The following SPTBN2 variants were observed in gnomAD, a reference collection of about 807,000 sequenced individuals.
SPTBN2 encodes the protein spectrin beta chain, non-erythrocytic 2.
In SPTBN2, 107 loss-of-function variants were observed where a neutral mutation model predicts 284.2. That is an observed-to-expected ratio of 0.38 (90% confidence interval 0.32 to 0.44). SPTBN2 has a LOEUF of 0.44. Among genes scored for constraint, SPTBN2 ranks in the 20% least tolerant of loss-of-function variants. The pLI is 1.00. For synonymous variants in SPTBN2, 1,289 were observed against 1,354.8 expected, an observed-to-expected ratio of 0.95 and a Z score of 1.07; for missense variants, 2,569 against 3,287.1, an observed-to-expected ratio of 0.78 and a Z score of 5.34.
chr11:66,731,761 C>A (rs1292409448), upstream of SPTBN2, among the ~76,000 whole-genome samples: 1 of 152,246 alleles, frequency 6.6e-6, no homozygotes, highest in African/African-American at 2.4e-5. Flanking sequence ...ATTGGCTTCA[C>A]TTCCTCGCCC....
rs760697406 is a variant in SPTBN2 at position 66,687,650 on chromosome 11, G to T, written c.6502-3C>A. On this transcript the variant is annotated splice_region_variant and splice_polypyrimidine_tract_variant and intron_variant, in intron 34 of 37. Transcript: ENST00000533211. This position sits in a 1 kb window ranked among gnomAD's most constrained non-coding sequence, Gnocchi z 5.2. Reference sequence around the variant, plus strand: ...GCTTCGTCCCCTGAGCCAGGTCCCTGGGGGGGAATCAGTGTCAGTGTCAAA... The same window carrying T: ...GCTTCGTCCCCTGAGCCAGGTCCCTTGGGGGGAATCAGTGTCAGTGTCAAA... 3 of 1,588,264 alleles carry T rather than the reference G, an allele frequency of 1.9e-6. No homozygotes were observed. The highest frequency in any genetic ancestry group is 2.3e-5 in the South Asian group (2 of 88,560).
intron 36 of SPTBN2, 81 bp from the exon 37 acceptor site, chr11:66,686,521 C>T (rs1484007895): frequency 6.7e-7 from 1 of 1,501,718 alleles, no homozygotes; most frequent in Non-Finnish European, 9.3e-7. Context: ...TAATCATGAC[C>T]CAACACCAGG....
chr11:66,710,794 G>T lies in SPTBN2; in HGVS notation c.886-25C>A. Reference sequence around the variant, plus strand: ...CCTGGGAGGCAGAAGACAGGGACGTGACAGTCCCAGCCACAGGGTCCCTGG... The same window carrying T: ...CCTGGGAGGCAGAAGACAGGGACGTTACAGTCCCAGCCACAGGGTCCCTGG... On this transcript the variant is annotated intron_variant, in intron 9 of 37. Coordinates refer to ENST00000533211, the MANE Select transcript of SPTBN2 (RefSeq NM_006946.4). The surrounding 1 kb of genome is among the most constrained non-coding windows in gnomAD (Gnocchi z 4.9). 6.2e-7 allele frequency: 1 copy of T among 1,613,154 alleles called. No homozygotes were observed. Among genetic ancestry groups the T allele is most frequent in the South Asian group, 1.1e-5 (1 of 91,038 alleles).
Position 66,698,804 on chromosome 11 carries a change from A to G in SPTBN2, c.3868-19T>C. 6.2e-7 allele frequency: 1 copy of G among 1,612,650 alleles called. No individual in the cohort carries two copies. The highest frequency in any genetic ancestry group is 8.5e-7 in the Non-Finnish European group (1 of 1,179,752). On this transcript the variant is annotated intron_variant, in intron 19 of 37. Transcript: ENST00000533211. ...GCTTCAGCTGGACCAAACATAAAAC[A>G]GGGACATTTCCAAGGGAGGGGAGAG...
intron 18 of SPTBN2, 40 bp from the exon 19 acceptor site, chr11:66,699,122 T>C: frequency 6.2e-7 from 1 of 1,612,710 alleles, no homozygotes; most frequent in Non-Finnish European, 8.5e-7. Flanking sequence ...GAATTTGCTG[T>C]GAAAGGATTG....
chr11:66,707,909 T>G lies in SPTBN2; in HGVS notation c.1351-91A>C. ...CCTGCAGGGCACTTGGCCTGCAAGATCCCAGCTCCATGCGGTGGCTCTAAG... is the reference window on the plus strand; with the variant it reads ...CCTGCAGGGCACTTGGCCTGCAAGAGCCCAGCTCCATGCGGTGGCTCTAAG... On this transcript the variant is annotated intron_variant, in intron 12 of 37. Transcript: ENST00000533211. This position sits in a 1 kb window ranked among gnomAD's most constrained non-coding sequence, Gnocchi z 4.9. The G allele has an allele frequency of 6.6e-7, 1 of 1,519,226 alleles. No homozygotes were observed. 94.1% of individuals were successfully genotyped at this position (1,519,226 alleles called of 1,614,324 possible).
rs548188891 is a variant in SPTBN2 at position 66,704,817 on chromosome 11, G to T, written c.2459C>A (p.Thr820Lys). 2.5e-6 allele frequency: 4 copies of T among 1,606,390 alleles called. No individual in the cohort carries two copies. The highest frequency in any genetic ancestry group is 3.4e-6 in the Non-Finnish European group (4 of 1,179,180). ...AAALPPTLSR[T>K]PEVQSRVPTL... is the part of the protein sequence containing the mutation. ...GGGCACCCGGCTCTGCACCTCGGGC[G>T]TGCGGCTCAGTGTGGGGGGCAGGGC... The change falls in exon 15 of 38, where the codon ACG becomes AAG. Residue 820 changes from threonine (T) to lysine (K), a missense_variant. Around this residue, in one of 6 missense-constraint regions of SPTBN2, gnomAD observed 1,012 missense variants for 1,248.9 expected, o/e 0.81. Transcript: ENST00000533211.
rs1942737336 is a variant in SPTBN2 at position 66,728,884 on chromosome 11, A to C, written c.-257T>G. 6.6e-6 allele frequency: 1 copy of C among 152,044 alleles called. No homozygotes were observed. Among genetic ancestry groups the C allele is most frequent in the African/African-American group, 2.4e-5 (1 of 41,348 alleles). The allele number at this position is 152,044 out of a possible 1,614,324, so 9.4% of individuals were successfully genotyped here. ...GGGCACCTCCAGTCCGTCTCCGCTA[A>C]GCATTCCTCTCACCCGTCCCCTCGC... On this transcript the variant is annotated 5_prime_UTR_variant, in exon 1 of 38. Transcript: ENST00000533211.
chr11:66,708,065 C>T lies in SPTBN2; in HGVS notation c.1350+76G>A. 1 of 1,601,330 alleles carries T rather than the reference C, an allele frequency of 6.2e-7. No individual in the cohort carries two copies. The highest frequency in any genetic ancestry group is 2.2e-5 in the East Asian group (1 of 44,634). On this transcript the variant is annotated intron_variant, in intron 12 of 37. Coordinates refer to ENST00000533211, the MANE Select transcript of SPTBN2 (RefSeq NM_006946.4). The surrounding 1 kb of genome is among the most constrained non-coding windows in gnomAD (Gnocchi z 4.4). ...TTTTGTGTTTCATTGTCTCTCCACC[C>T]CGCGGGGCTTCTTATCCACCCTGTC...
rs960199355 is a variant in SPTBN2, at chr11:66,723,358, T to C, written c.-113-1918A>G. 6.6e-5 allele frequency among the ~76,000 whole-genome samples: 10 copies of C among 152,024 alleles called. 1 individual carries two copies. Among genetic ancestry groups the C allele is most frequent in the African/African-American group, 2.4e-4 (10 of 41,374 alleles). ...ACTTCCTAGGACCAGGGCTGTAGTC[T>C]CGGTAGTCTCGGGTTCTGGAAGGAA... On this transcript the variant is annotated intron_variant, in intron 1 of 37. Coordinates refer to ENST00000533211, the MANE Select transcript of SPTBN2 (RefSeq NM_006946.4).
intron 1 of SPTBN2, among the ~76,000 whole-genome samples, chr11:66,726,014 C>T (rs1052420670): frequency 1.3e-5 from 2 of 152,148 alleles, no homozygotes; most frequent in African/African-American, 2.4e-5. Context: ...CATCGCATTA[C>T]GGTTAGTTGT....
At chr11:66,703,742 A>T (rs1269488426) in intron 15 of SPTBN2, among the ~76,000 whole-genome samples, 4 of 152,038 alleles carry the variant, frequency 2.6e-5, no homozygotes, top group African/African-American at 9.7e-5. Flanking sequence ...ATCTCAAAAA[A>T]AAAAGAAATT....
rs776244988 is a variant in SPTBN2 at position 66,693,147 on chromosome 11, G to C, written c.4854+39C>G. 6.2e-7 allele frequency: 1 copy of C among 1,614,208 alleles called. No homozygotes were observed. The highest frequency in any genetic ancestry group is 8.5e-7 in the Non-Finnish European group (1 of 1,180,026). On this transcript the variant is annotated intron_variant, in intron 24 of 37. Coordinates refer to ENST00000533211, the MANE Select transcript of SPTBN2 (RefSeq NM_006946.4). This position sits in a 1 kb window ranked among gnomAD's most constrained non-coding sequence, Gnocchi z 5.7. ...TCCAGCATCAGGTCAGGGGAGGGCA[G>C]AACTGGTCACATACACTGGGCTCTG...
Position 66,704,703 on chromosome 11 carries a change from A to T in SPTBN2, c.2573T>A (p.Leu858His). 6.2e-7 allele frequency: 1 copy of T among 1,607,308 alleles called. No homozygotes were observed. Among genetic ancestry groups the T allele is most frequent in the East Asian group, 2.2e-5 (1 of 44,672 alleles). ...GAGTCCACAGGCCCCGGCCTCGCTG[A>T]GCATGGTGTAGAGCGCCAGGGCTGC... Reference protein sequence around the residue: ...LEAALALYTMLSEAGACGLWV... With the variant: ...LEAALALYTMHSEAGACGLWV... The change falls in exon 15 of 38, where the codon CTC becomes CAC. Residue 858 changes from leucine (L) to histidine (H), a missense_variant. Physicochemically the swap from Leu to His is moderately conservative, Grantham distance 99 (BLOSUM62 -3). Around this residue, in one of 6 missense-constraint regions of SPTBN2, gnomAD observed 1,012 missense variants for 1,248.9 expected, o/e 0.81. Transcript: ENST00000533211.
Position 66,690,221 on chromosome 11 carries a change from C to T in SPTBN2, c.5628G>A (p.Glu1876=), listed in dbSNP as rs760814262. The T allele has an allele frequency of 1.2e-6, 2 of 1,613,664 alleles. No individual in the cohort carries two copies. The highest frequency in any genetic ancestry group is 2.2e-5 in the East Asian group (1 of 44,884). The change falls in exon 28 of 38, where the codon GAG becomes GAA. Residue 1876 remains glutamate, a synonymous_variant. Coordinates refer to ENST00000533211, the MANE Select transcript of SPTBN2 (RefSeq NM_006946.4). ...CGGCCTGCATGTGGCGGCCGATCTC[C>T]TCAGCCTTGTCTCCAGCGTAGGCCT... ...LQKAYAGDKA[E]EIGRHMQAVA...
Position 66,700,687 on chromosome 11 carries a change from G to C in SPTBN2, c.3412C>G (p.Pro1138Ala). ...GEEVTRDQAD[P>A]QCLFLRQRLE... is the part of the protein sequence containing the mutation. ...CGCTGTCGTAGGAAGAGGCACTGGG[G>C]GTCAGCCTGGTCCCGGGTCACCTCC... The change falls in exon 17 of 38, where the codon CCC (proline) becomes GCC (alanine). Residue 1138 changes from proline (P) to alanine (A), a missense_variant. Around this residue, in one of 6 missense-constraint regions of SPTBN2, gnomAD observed 1,012 missense variants for 1,248.9 expected, o/e 0.81. Coordinates refer to ENST00000533211, the MANE Select transcript of SPTBN2 (RefSeq NM_006946.4). The surrounding 1 kb of genome is among the most constrained non-coding windows in gnomAD (Gnocchi z 6.6). The C allele has an allele frequency of 6.2e-7, 1 of 1,605,986 alleles. No individual in the cohort carries two copies. Among genetic ancestry groups the C allele is most frequent in the Non-Finnish European group, 8.5e-7 (1 of 1,179,896 alleles).
chr11:66,720,939 G>T, intron 3 of SPTBN2, 145 bp downstream of exon 3: 1 of 1,109,068 alleles, frequency 9.0e-7, no homozygotes, highest in Non-Finnish European at 1.3e-6. Context: ...GAGGCTGGAT[G>T]TGGGGACCAG....
Position 66,687,723 on chromosome 11 carries a change from CA to C in SPTBN2, c.6502-77del. 1.3e-6 allele frequency: 2 copies of C among 1,580,844 alleles called. No homozygotes were observed. Among genetic ancestry groups the C allele is most frequent in the Non-Finnish European group, 1.7e-6 (2 of 1,157,324 alleles). On this transcript the variant is annotated intron_variant, in intron 34 of 37. Transcript: ENST00000533211. The surrounding 1 kb of genome is among the most constrained non-coding windows in gnomAD (Gnocchi z 5.2). ...CCTGGGTGCCAGGAAGCTCCGTGTC[CA>C]GGAGTTGGTCTTCCTGCCCCCAAGC...
In SPTBN2 at chr11:66,710,759, T is replaced by C. The variant is rs761911577; in HGVS notation, c.896A>G (p.His299Arg). ...CACCAGGCGCTCTGCCTCCATGGCATGGTCCAGCACCTGGGAGGCAGAAGA... is the reference window on the plus strand; with the variant it reads ...CACCAGGCGCTCTGCCTCCATGGCACGGTCCAGCACCTGGGAGGCAGAAGA... ...EGKRIGKVLDHAMEAERLVEK... is the reference protein window; with the variant it reads ...EGKRIGKVLDRAMEAERLVEK... The change falls in exon 10 of 38, where the codon CAT becomes CGT. Residue 299 changes from histidine (H) to arginine (R), a missense_variant. Transcript: ENST00000533211. The surrounding 1 kb of genome is among the most constrained non-coding windows in gnomAD (Gnocchi z 4.9). 1 of 1,614,026 alleles carries C rather than the reference T, an allele frequency of 6.2e-7. No individual in the cohort carries two copies. Among genetic ancestry groups the C allele is most frequent in the Non-Finnish European group, 8.5e-7 (1 of 1,180,040 alleles).
Sources: allele counts gnomAD v4.1 joint callset (sites outside exome capture counted in the v4.1 genomes callset), GRCh38; gene constraint gnomAD v4.1.1; regional missense constraint gnomAD v4.1.1; non-coding constraint Gnocchi (gnomAD v3.1); transcripts MANE v1.5; gene names NCBI Gene and HGNC (gene_info 2026-07-23, HGNC 2026-07-21).